The following SLC12A2 variants were observed in gnomAD, a reference collection of about 807,000 sequenced individuals.
The protein encoded by SLC12A2 is Na-K-2Cl cotransporter 1.
Under a neutral mutation model 136.3 loss-of-function variants are expected in SLC12A2, and 67 were observed. That is an observed-to-expected ratio of 0.49 (90% CI 0.40 to 0.60). The LOEUF (loss-of-function observed/expected upper bound fraction) is 0.60, where lower values mean the gene tolerates loss of function less well. Among genes scored for constraint, SLC12A2 ranks in the 20% least tolerant of loss-of-function variants. The pLI is 0.00. For synonymous variants in SLC12A2, 619 were observed against 562.9 expected, an observed-to-expected ratio of 1.10 and a Z score of -1.41; for missense variants, 1,322 against 1,534.7, an observed-to-expected ratio of 0.86 and a Z score of 2.32.
chr5:128,109,077 T>C (rs1761044786), intron 1 of SLC12A2, among the ~76,000 whole-genome samples: 1 of 152,256 alleles, frequency 6.6e-6, no homozygotes, highest in South Asian at 2.1e-4. Context: ...TCATTTTCCA[T>C]GTATTTCACA....
intron 25 of SLC12A2, 88 bp from the exon 26 acceptor site, chr5:128,184,701 G>A: frequency 6.3e-7 from 1 of 1,584,854 alleles, no homozygotes; most frequent in Non-Finnish European, 8.6e-7. Context: ...ATTCATTTCA[G>A]TTTCTTTTTG....
At position 128,171,683 on chromosome 5, in the gene SLC12A2, C is replaced by A; in HGVS notation, c.2740C>A (p.Gln914Lys). Residue 914 changes from glutamine to lysine, a missense_variant, in exon 19 of 27, where the codon CAA becomes AAA. Gln to Lys is a moderately conservative substitution (Grantham distance 53). Coordinates refer to ENST00000262461, the MANE Select transcript of SLC12A2 (RefSeq NM_001046.3). ...INLFHDAFDI[Q>K]YGVVVIRLKE... ...TGTTCTTAGTGATGCTTTTGACATA[C>A]AATATGGAGTAGTGGTTATTCGCCT... The A allele has an allele frequency of 6.4e-7, 1 of 1,573,344 alleles. No individual in the cohort carries two copies. Among genetic ancestry groups the A allele is most frequent in the Non-Finnish European group, 8.6e-7 (1 of 1,165,542 alleles).
intron 18 of SLC12A2, 77 bp downstream of exon 18, chr5:128,167,944 A>C: frequency 3.8e-6 from 3 of 779,734 alleles, no homozygotes; most frequent in Non-Finnish European, 6.1e-6. Flanking sequence ...ATTTTTGGAG[A>C]CTGTTTCTCA....
chr5:128,150,449 A>G (rs1347864190), intron 13 of SLC12A2, among the ~76,000 whole-genome samples: 1 of 151,826 alleles, frequency 6.6e-6, no homozygotes, highest in African/African-American at 2.4e-5. Flanking sequence ...TTTTAACACG[A>G]TGAGTTCTGT....
At chr5:128,093,068 CATAA>C (rs1760397120) in intron 1 of SLC12A2, among the ~76,000 whole-genome samples, 2 of 152,118 alleles carry the variant, frequency 1.3e-5, no homozygotes, top group Admixed American at 6.6e-5. Context: ...TTCTATTTTG[CATAA>C]ATAGTTCTTG....
At chr5:128,098,985 A>G (rs1440933303) in intron 1 of SLC12A2, among the ~76,000 whole-genome samples, 2 of 152,196 alleles carry the variant, frequency 1.3e-5, no homozygotes, top group Non-Finnish European at 2.9e-5. Context: ...AAAGGCTCTC[A>G]GTTAAAAAGC....
intron 10 of SLC12A2, among the ~76,000 whole-genome samples, chr5:128,147,247 TCCTTA>T (rs1295235461): frequency 6.6e-6 from 1 of 151,672 alleles, no homozygotes; most frequent in Non-Finnish European, 1.5e-5. Flanking sequence ...TTTTCAAAAG[TCCTTA>T]CCTGTTAGAG....
intron 4 of SLC12A2, among the ~76,000 whole-genome samples, chr5:128,130,121 T>C (rs552410582): frequency 6.6e-6 from 1 of 152,172 alleles, no homozygotes; most frequent in African/African-American, 2.4e-5. Context: ...ATTTAGAAGT[T>C]ACATTAAGGC....
Position 128,084,239 on chromosome 5 carries a change from TGCGGCGGCGGCGGCGGCG to T in SLC12A2, c.291_308del (p.Ala102_Ala107del). On this transcript the variant is annotated inframe_deletion, in exon 1 of 27. Transcript: ENST00000262461. The surrounding 1 kb of genome is among the most constrained non-coding windows in gnomAD (Gnocchi z 5.6). ...CCGAGAACGCCGGGCGGGCCGCTGC[TGCGGCGGCGGCGGCGGCG>T]GCGGCAGCGGCGGCGGCTGGTGCTG... 1 of 1,279,584 alleles carries T rather than the reference TGCGGCGGCGGCGGCGGCG, an allele frequency of 7.8e-7. No individual in the cohort carries two copies. Among genetic ancestry groups the T allele is most frequent in the East Asian group, 3.2e-5 (1 of 31,094 alleles). 79.3% of individuals were successfully genotyped at this position (1,279,584 alleles called of 1,614,324 possible).
intron 14 of SLC12A2, among the ~76,000 whole-genome samples, chr5:128,152,227 C>T (rs1006190427): frequency 6.6e-6 from 1 of 152,166 alleles, no homozygotes; most frequent in Non-Finnish European, 1.5e-5. Flanking sequence ...AGTTATTTCT[C>T]TAACATACCT....
intron 1 of SLC12A2, among the ~76,000 whole-genome samples, chr5:128,106,243 A>G (rs1280594040): frequency 6.6e-6 from 1 of 152,196 alleles, no homozygotes; most frequent in African/African-American, 2.4e-5. Flanking sequence ...GTAAAAACCA[A>G]AAATCTATCA....
At chr5:128,099,366 A>G (rs1760662638) in intron 1 of SLC12A2, among the ~76,000 whole-genome samples, 1 of 152,206 alleles carries the variant, frequency 6.6e-6, no homozygotes, top group South Asian at 2.1e-4. Flanking sequence ...ACACATGTGT[A>G]GGATACTTAC....
chr5:128,167,665 A>G (rs1048987311), intron 17 of SLC12A2, 96 bp from the exon 18 acceptor site: 11 of 781,530 alleles, frequency 1.4e-5, no homozygotes, highest in African/African-American at 3.7e-5. Flanking sequence ...AAGAGTGTCT[A>G]TAGAAGCTGT....
At chr5:128,107,131 A>G (rs1203748441) in intron 1 of SLC12A2, among the ~76,000 whole-genome samples, 2 of 152,146 alleles carry the variant, frequency 1.3e-5, no homozygotes, top group Admixed American at 6.5e-5. Flanking sequence ...TGAATCATCA[A>G]TCCCTATTCA....
chr5:128,169,921 C>G (rs2126744068), intron 18 of SLC12A2: 1 of 152,202 alleles, frequency 6.6e-6, no homozygotes, highest in Non-Finnish European at 1.5e-5. Flanking sequence ...AACATTATTC[C>G]TGTACATTAG....
In SLC12A2 at chr5:128,152,633, C is replaced by G. The variant is rs772485493; in HGVS notation, c.2264-73C>G. 2.2e-4 allele frequency: 199 copies of G among 914,124 alleles called. 2 individuals carry two copies. The highest frequency in any genetic ancestry group is 4.1e-5 in the Non-Finnish European group (22 of 543,090). 56.6% of individuals were successfully genotyped at this position (914,124 alleles called of 1,614,324 possible). A position where few individuals can be genotyped will look rare whatever the true frequency, so the allele number is the denominator to read the frequency against. Reference sequence around the variant, plus strand: ...TAAATGTGAAAGCATGTTTAATTCTCTATGCCTCAGATTGGCTATTGATTG... The same window carrying G: ...TAAATGTGAAAGCATGTTTAATTCTGTATGCCTCAGATTGGCTATTGATTG... On this transcript the variant is annotated intron_variant, in intron 14 of 26. Coordinates refer to ENST00000262461, the MANE Select transcript of SLC12A2 (RefSeq NM_001046.3).
At chr5:128,164,694 A>C (rs1228609273) in intron 17 of SLC12A2, among the ~76,000 whole-genome samples, 1 of 152,148 alleles carries the variant, frequency 6.6e-6, no homozygotes, top group Non-Finnish European at 1.5e-5. Flanking sequence ...GTATAGTTGT[A>C]GAGATGCTGT....
At chr5:128,128,964 A>G (rs1054973252) in intron 4 of SLC12A2, among the ~76,000 whole-genome samples, 1 of 152,090 alleles carries the variant, frequency 6.6e-6, no homozygotes, top group African/African-American at 2.4e-5. Context: ...CAAATCTTTT[A>G]AAATGTGAGT....
chr5:128,137,419 C>T (rs1024644389), intron 7 of SLC12A2, among the ~76,000 whole-genome samples: 2 of 152,130 alleles, frequency 1.3e-5, no homozygotes, highest in Admixed American at 6.6e-5. Flanking sequence ...TTGTCTCCTT[C>T]CTTATATTTG....
Sources: allele counts gnomAD v4.1 joint callset (sites outside exome capture counted in the v4.1 genomes callset), GRCh38; gene constraint gnomAD v4.1.1; non-coding constraint Gnocchi (gnomAD v3.1); transcripts MANE v1.5; gene names NCBI Gene and HGNC (gene_info 2026-07-23, HGNC 2026-07-21).